The following SEC31A variants were observed in gnomAD, a reference collection of about 807,000 sequenced individuals.
SEC31A encodes SEC31 homolog A, COPII component.
A neutral mutation model predicts 151.0 loss-of-function variants in SEC31A; 70 were observed. The ratio of observed to expected loss-of-function variants is 0.46; its 90% CI spans 0.38 to 0.57. SEC31A has a LOEUF of 0.57. Among genes scored for constraint, SEC31A ranks in the 20% least tolerant of loss-of-function variants. The pLI is 0.00. For synonymous variants in SEC31A, 475 were observed against 505.9 expected (o/e 0.94, Z 0.82); for missense variants, 1,330 against 1,471.2 (o/e 0.90, Z 1.57).
intron 22 of SEC31A, among the ~76,000 whole-genome samples, chr4:82,835,346 T>C (rs758502951): frequency 6.6e-6 from 1 of 152,240 alleles, no homozygotes; most frequent in Admixed American, 6.5e-5. Flanking sequence ...ATTTTAACCT[T>C]GAACAGAAAT....
chr4:82,845,160 T>C (rs1056509211), intron 20 of SEC31A: 74 of 1,306,066 alleles, frequency 5.7e-5, no homozygotes, highest in Admixed American at 9.9e-5. Flanking sequence ...TATATTTAGG[T>C]GAGCAGAATT....
chr4:82,853,765 T>G, intron 17 of SEC31A, 50 bp from the exon 18 acceptor site: 2 of 1,448,102 alleles, frequency 1.4e-6, no homozygotes, highest in Non-Finnish European at 1.9e-6. Flanking sequence ...GCAATCTGTA[T>G]ATGAGGCTGT....
chr4:82,858,878 T>A (rs183434157), intron 14 of SEC31A, among the ~76,000 whole-genome samples: 236 of 151,794 alleles, frequency 1.6e-3, no homozygotes, highest in African/African-American at 5.5e-3. Flanking sequence ...AATTTTTGTA[T>A]TTTTAGTAGA....
chr4:82,867,736 A>C (rs1471545584), intron 8 of SEC31A, among the ~76,000 whole-genome samples: 1 of 152,090 alleles, frequency 6.6e-6, no homozygotes, highest in African/African-American at 2.4e-5. Context: ...GGGCTCAAGC[A>C]ACTATTCTGC....
intron 24 of SEC31A, 87 bp downstream of exon 24, chr4:82,827,282 T>A: frequency 1.5e-6 from 2 of 1,376,360 alleles, no homozygotes; most frequent in Non-Finnish European, 2.0e-6. Context: ...TTAATAATAA[T>A]CATGCAATCA....
At chr4:82,887,243 A>G (rs940404494) in intron 1 of SEC31A, among the ~76,000 whole-genome samples, 1 of 152,234 alleles carries the variant, frequency 6.6e-6, no homozygotes, top group African/African-American at 2.4e-5. Flanking sequence ...GGACTACCTA[A>G]TTCATTAATG....
Position 82,888,299 on chromosome 4 carries a change from C to G in SEC31A, c.-5+2789G>C, listed in dbSNP as rs1479670931. Among the ~76,000 whole-genome samples, 5 of 129,634 alleles carry G rather than the reference C, an allele frequency of 3.9e-5. No homozygotes were observed. In the East Asian group the frequency reaches 1.3e-3, roughly 33 times the overall value. The allele number at this position is 129,634 out of a possible 152,430, so 85.0% of individuals were successfully genotyped here. ...GCCGAGGCAGAAGAATCGCTTGAACCCGGGAGGCAGAGGTTGCAGTAAGCC... is the reference window on the plus strand; with the variant it reads ...GCCGAGGCAGAAGAATCGCTTGAACGCGGGAGGCAGAGGTTGCAGTAAGCC... On this transcript the variant is annotated intron_variant, in intron 1 of 26. Transcript: ENST00000395310.
In SEC31A at chr4:82,847,418, A is replaced by C. The variant is rs111290285; in HGVS notation, c.2502+1386T>G. Among the ~76,000 whole-genome samples, 38 of 152,370 alleles carry C rather than the reference A, an allele frequency of 2.5e-4. 2 individuals are homozygous for C. The highest frequency in any genetic ancestry group is 9.1e-4 in the African/African-American group (38 of 41,590). On this transcript the variant is annotated intron_variant, in intron 20 of 26. Transcript: ENST00000395310. Reference sequence around the variant, plus strand: ...CTTTTCCTACAAGTGTAAGATTGGTAAATCAAAGTATAACAAATCTTTCAA... The same window carrying C: ...CTTTTCCTACAAGTGTAAGATTGGTCAATCAAAGTATAACAAATCTTTCAA...
chr4:82,884,020 T>C (rs1274772823), intron 1 of SEC31A, among the ~76,000 whole-genome samples: 3 of 140,920 alleles, frequency 2.1e-5, no homozygotes, highest in African/African-American at 5.3e-5. Context: ...TGGAGTTTCG[T>C]TCTGTCACCC....
intron 14 of SEC31A, among the ~76,000 whole-genome samples, chr4:82,860,567 T>C (rs1733888914): frequency 1.3e-5 from 2 of 152,232 alleles, no homozygotes; most frequent in South Asian, 4.1e-4. Flanking sequence ...CCACGAACTC[T>C]TGGGCTTAAG....
At chr4:82,856,077 T>C (rs1222363624) in intron 16 of SEC31A, among the ~76,000 whole-genome samples, 1 of 152,198 alleles carries the variant, frequency 6.6e-6, no homozygotes, top group Non-Finnish European at 1.5e-5. Context: ...TGGAAAATAC[T>C]GGAAACTACC....
At chr4:82,864,936 T>C (rs1464145710) in intron 10 of SEC31A, among the ~76,000 whole-genome samples, 1 of 152,068 alleles carries the variant, frequency 6.6e-6, no homozygotes, top group African/African-American at 2.4e-5. Context: ...CCACCATGCC[T>C]GGCTAACTTT....
At chr4:82,834,836 CA>C (rs1361093674) in intron 22 of SEC31A, among the ~76,000 whole-genome samples, 1 of 151,980 alleles carries the variant, frequency 6.6e-6, no homozygotes, top group Non-Finnish European at 1.5e-5. Context: ...TTCTCCTACT[CA>C]AGGATTTTAT....
chr4:82,870,350 AG>A lies in SEC31A; in HGVS notation c.856del (p.Leu286SerfsTer56). 6.2e-7 allele frequency: 1 copy of A among 1,613,964 alleles called. No homozygotes were observed. The highest frequency in any genetic ancestry group is 8.5e-7 in the Non-Finnish European group (1 of 1,179,836). The part of the protein sequence containing the change: ...LLSCGKDAKI[L>X]CSNPNTGEVL... ...CTCTCCTGTGTTTGGATTGGAGCAG[AG>A]AATCTTAGCATCTTTTCCACAGCTC... On this transcript the variant is annotated frameshift_variant, in exon 8 of 27. Coordinates refer to ENST00000395310, the MANE Select transcript of SEC31A (RefSeq NM_001077207.4). LOFTEE classifies it high-confidence loss of function.
Position 82,891,107 on chromosome 4 carries a change from G to A in SEC31A, c.-24C>T. The A allele has an allele frequency of 1.3e-6, 2 of 1,535,956 alleles. No homozygotes were observed. Among genetic ancestry groups the A allele is most frequent in the Non-Finnish European group, 1.7e-6 (2 of 1,146,780 alleles). ...ACGCACCTGGCGAGGACCTTCGGCA[G>A]CCGGATCCTGCGTTAGTGCAGCGCT... On this transcript the variant is annotated 5_prime_UTR_variant, in exon 1 of 27. Coordinates refer to ENST00000395310, the MANE Select transcript of SEC31A (RefSeq NM_001077207.4).
intron 25 of SEC31A, among the ~76,000 whole-genome samples, chr4:82,824,328 C>G (rs141650569): frequency 6.6e-6 from 1 of 152,102 alleles, no homozygotes; most frequent in Admixed American, 6.6e-5. Flanking sequence ...CTTAGCCTCT[C>G]GAGTAGCTGG....
In SEC31A at chr4:82,828,714, C is replaced by G. The variant is rs1281594663; in HGVS notation, c.3027+286G>C. 2.2e-5 allele frequency among the ~76,000 whole-genome samples: 3 copies of G among 138,368 alleles called. No homozygotes were observed. The East Asian group carries it at 6.3e-4, about 29-fold the overall frequency. 90.8% of individuals were successfully genotyped at this position (138,368 alleles called of 152,430 possible). On this transcript the variant is annotated intron_variant, in intron 23 of 26. Coordinates refer to ENST00000395310, the MANE Select transcript of SEC31A (RefSeq NM_001077207.4). ...AAAAAAAAAGAAAGCAACCCTGAAG[C>G]CTGAAATTTCCTACTTTTTGAAAGA... is the stretch of plus-strand genomic sequence containing the variant.
chr4:82,818,895 A>T lies in SEC31A; in HGVS notation c.*179T>A, dbSNP rs1722753098. On this transcript the variant is annotated 3_prime_UTR_variant, in exon 27 of 27. Coordinates refer to ENST00000395310, the MANE Select transcript of SEC31A (RefSeq NM_001077207.4). ...CTGGCAACAAAAGATTAAAACAAAA[A>T]TAAAGCACCAGGGTTCTGAGCAGTT... 9.7e-6 allele frequency: 4 copies of T among 412,704 alleles called. No individual in the cohort carries two copies. The highest frequency in any genetic ancestry group is 1.7e-5 in the Non-Finnish European group (4 of 238,196). The allele number at this position is 412,704 out of a possible 1,614,324, so 25.6% of individuals were successfully genotyped here. A position where few individuals can be genotyped will look rare whatever the true frequency, so the allele number is the denominator to read the frequency against.
At position 82,861,724 on chromosome 4, in the gene SEC31A, C is replaced by G. The variant is rs1366037446; in HGVS notation, c.1549-16G>C. The G allele has an allele frequency of 6.4e-7, 1 of 1,570,508 alleles. No individual in the cohort carries two copies. Among genetic ancestry groups the G allele is most frequent in the African/African-American group, 1.4e-5 (1 of 73,986 alleles). On this transcript the variant is annotated splice_polypyrimidine_tract_variant and intron_variant, in intron 13 of 26. Coordinates refer to ENST00000395310, the MANE Select transcript of SEC31A (RefSeq NM_001077207.4). ...CTTTAAGAGCCTTTGGTACACAAAA[C>G]AATTACAGGGGAAGGTGAAGAATGT...
Sources: gnomAD v4.1 joint callset for allele counts (sites outside exome capture counted in the v4.1 genomes callset) on GRCh38, gnomAD v4.1.1 for gene constraint, MANE v1.5 for transcripts, NCBI Gene and HGNC (gene_info 2026-07-23, HGNC 2026-07-21) for gene names.